SORCS3: variants seen among roughly 807,000 people sequenced by gnomAD.
SORCS3 encodes VPS10 domain-containing receptor SorCS3.
Under a neutral mutation model 146.3 loss-of-function variants are expected in SORCS3, and 57 were observed. The observed-to-expected ratio is 0.39, with a 90% CI of 0.31 to 0.49. The LOEUF (loss-of-function observed/expected upper bound fraction) is 0.49, where lower values mean the gene tolerates loss of function less well. Among genes scored for constraint, SORCS3 ranks in the 20% least tolerant of loss-of-function variants. The pLI is 0.92. For synonymous variants in SORCS3, 653 were observed against 618.5 expected, an observed-to-expected ratio of 1.06 and a Z score of -0.83; for missense variants, 1,341 against 1,575.5, an observed-to-expected ratio of 0.85 and a Z score of 2.52.
At chr10:104,730,621 G>A (rs145187431) in intron 1 of SORCS3, among the ~76,000 whole-genome samples, 2,037 of 152,238 alleles carry the variant, frequency 0.013, 36 homozygotes, top group African/African-American at 0.04. Flanking sequence ...CTTTTCTCAC[G>A]CTGCTATGAA....
intron 1 of SORCS3, among the ~76,000 whole-genome samples, chr10:104,730,510 G>A (rs1432218540): frequency 6.6e-6 from 1 of 152,188 alleles, no homozygotes; most frequent in East Asian, 1.9e-4. Flanking sequence ...TGACCAGATA[G>A]GACATCTCTT....
rs186617030 is a variant in SORCS3 at position 104,889,952 on chromosome 10, G to A, written c.696-25881G>A. 8.4e-3 allele frequency among the ~76,000 whole-genome samples: 1,284 copies of A among 152,152 alleles called. 11 individuals carry two copies. The highest frequency in any genetic ancestry group is 0.015 in the Admixed American group (228 of 15,292). On this transcript the variant is annotated intron_variant, in intron 2 of 26. Transcript: ENST00000369701. ...CTTTATTTTGCTTTTGTTTATCAAA[G>A]AAATGTAATTTAATTGGCTTATTTT...
At chr10:104,721,483 C>T (rs1166660698) in intron 1 of SORCS3, among the ~76,000 whole-genome samples, 1 of 151,700 alleles carries the variant, frequency 6.6e-6, no homozygotes, top group Admixed American at 6.6e-5. Flanking sequence ...TCCATATGAA[C>T]TTTAAAGTAG....
intron 1 of SORCS3, among the ~76,000 whole-genome samples, chr10:104,792,872 C>T (rs913745915): frequency 1.3e-5 from 2 of 152,074 alleles, no homozygotes; most frequent in African/African-American, 2.4e-5. Flanking sequence ...TTGAGTCTCA[C>T]ACAATGTCTG....
intron 4 of SORCS3, among the ~76,000 whole-genome samples, chr10:104,997,240 A>G (rs7074885): frequency 0.074 from 11,289 of 152,236 alleles, 1,204 homozygotes; most frequent in African/African-American, 0.24. Flanking sequence ...CACAGTTCAC[A>G]TGGAAGTTGG....
chr10:104,653,176 A>G (rs1007071832), intron 1 of SORCS3, among the ~76,000 whole-genome samples: 9 of 152,274 alleles, frequency 5.9e-5, no homozygotes, highest in Middle Eastern at 6.8e-3. Flanking sequence ...TGTTCTGACA[A>G]TTGTTCAGAA....
intron 1 of SORCS3, among the ~76,000 whole-genome samples, chr10:104,798,141 C>G (rs1273257115): frequency 6.6e-6 from 1 of 152,206 alleles, no homozygotes; most frequent in Non-Finnish European, 1.5e-5. Context: ...CTGAGACTCT[C>G]TCAGTGCCAA....
chr10:105,023,998 T>C (rs1311731178), intron 4 of SORCS3, among the ~76,000 whole-genome samples: 1 of 152,010 alleles, frequency 6.6e-6, no homozygotes, highest in Non-Finnish European at 1.5e-5. Context: ...GGCAAGGAGA[T>C]GGGAAGGCAC....
At chr10:104,763,625 A>G (rs959969274) in intron 1 of SORCS3, among the ~76,000 whole-genome samples, 8 of 152,184 alleles carry the variant, frequency 5.3e-5, no homozygotes, top group East Asian at 1.9e-4. Context: ...GTGGACTTCT[A>G]TGCTCCACTT....
In SORCS3 at chr10:105,208,637, A is replaced by T. The variant is rs552209980; in HGVS notation, c.2262-2500A>T. On this transcript the variant is annotated intron_variant, in intron 16 of 26. Transcript: ENST00000369701. ...ATAGAATGATAGAATATTTTTATAT[A>T]ATATATATTATATATAATAATAAAA... Among the ~76,000 whole-genome samples the T allele has an allele frequency of 1.9e-3, 276 of 148,952 alleles. 1 individual carries two copies. Among genetic ancestry groups the T allele is most frequent in the Non-Finnish European group, 2.7e-3 (183 of 67,394 alleles).
chr10:104,855,716 A>AGTGTGTGTGTGTGTAT (rs777371157), intron 2 of SORCS3, among the ~76,000 whole-genome samples: 1 of 150,752 alleles, frequency 6.6e-6, no homozygotes, highest in Non-Finnish European at 1.5e-5. Flanking sequence ...TTTGCTTTTG[A>AGTGTGTGTGTGTGTAT]GTGTGTGTGT....
At chr10:105,187,426 C>T (rs2056485236) in intron 14 of SORCS3, among the ~76,000 whole-genome samples, 1 of 152,212 alleles carries the variant, frequency 6.6e-6, no homozygotes, top group Non-Finnish European at 1.5e-5. Context: ...CTAATCCCAT[C>T]TACATCCTAA....
At chr10:104,652,739 C>CA (rs1279273225) in intron 1 of SORCS3, among the ~76,000 whole-genome samples, 1 of 152,092 alleles carries the variant, frequency 6.6e-6, no homozygotes, top group African/African-American at 2.4e-5. Flanking sequence ...GATGTTTTAA[C>CA]AAAACATTTG....
At chr10:105,060,048 T>C (rs2055474157) in intron 5 of SORCS3, among the ~76,000 whole-genome samples, 1 of 152,208 alleles carries the variant, frequency 6.6e-6, no homozygotes. Flanking sequence ...AAATGGCTGA[T>C]ACAAAGGATT....
chr10:105,062,335 G>A (rs924366191), intron 5 of SORCS3, among the ~76,000 whole-genome samples: 4 of 152,308 alleles, frequency 2.6e-5, no homozygotes, highest in African/African-American at 9.6e-5. Flanking sequence ...TGGGCACCCA[G>A]GGCCTCAGTT....
intron 1 of SORCS3, among the ~76,000 whole-genome samples, chr10:104,796,460 A>G (rs533744542): frequency 6.6e-6 from 1 of 151,914 alleles, no homozygotes; most frequent in East Asian, 1.9e-4. Flanking sequence ...TTCCAGAAAG[A>G]AAAGAGCAGA....
intron 6 of SORCS3, among the ~76,000 whole-genome samples, chr10:105,092,349 C>T (rs2055716214): frequency 6.6e-6 from 1 of 152,122 alleles, no homozygotes; most frequent in Admixed American, 6.6e-5. Flanking sequence ...TCTGTTCCAT[C>T]TTCTAGGTTT....
intron 1 of SORCS3, among the ~76,000 whole-genome samples, chr10:104,662,159 AT>A (rs1240990666): frequency 6.6e-6 from 1 of 152,226 alleles, no homozygotes; most frequent in African/African-American, 2.4e-5. Flanking sequence ...CTACTGTATT[AT>A]TGATGTTGAA....
At chr10:104,932,007 C>T (rs761400500) in intron 3 of SORCS3, among the ~76,000 whole-genome samples, 8 of 152,174 alleles carry the variant, frequency 5.3e-5, no homozygotes, top group South Asian at 2.1e-4. Flanking sequence ...GATGTCAGAG[C>T]AGAAACTTAG....
Sources: gnomAD v4.1 joint callset for allele counts (sites outside exome capture counted in the v4.1 genomes callset) on GRCh38, gnomAD v4.1.1 for gene constraint, MANE v1.5 for transcripts, NCBI Gene and HGNC (gene_info 2026-07-23, HGNC 2026-07-21) for gene names.